The following PKHD1 variants were observed in gnomAD, a reference collection of about 807,000 sequenced individuals.
PKHD1 encodes PKHD1 ciliary IPT domain containing fibrocystin/polyductin, also known as fibrocystin.
Under a neutral mutation model 412.0 loss-of-function variants are expected in PKHD1, and 291 were observed. That is an observed-to-expected ratio of 0.71 (90% CI 0.64 to 0.78). The LOEUF (loss-of-function observed/expected upper bound fraction) is 0.78, where lower values mean the gene tolerates loss of function less well. Among genes scored for constraint, PKHD1 ranks in the 30% least tolerant of loss-of-function variants. The probability of loss-of-function intolerance (pLI) is 0.00; values close to 1 mark genes in which losing one functional copy is unlikely to be tolerated. For synonymous variants in PKHD1, 1,777 were observed against 1,821.5 expected (o/e 0.98, Z 0.62); for missense variants, 4,825 against 4,950.7 (o/e 0.97, Z 0.76).
At chr6:51,767,166 T>A (rs955516435) in intron 55 of PKHD1, among the ~76,000 whole-genome samples, 2 of 152,090 alleles carry the variant, frequency 1.3e-5, no homozygotes, top group Non-Finnish European at 2.9e-5. Context: ...TTTCTTGGTA[T>A]TCTTTTTAGT....
intron 43 of PKHD1, among the ~76,000 whole-genome samples, chr6:51,900,157 G>GA (rs563624619): frequency 1.3e-4 from 19 of 151,414 alleles, no homozygotes; most frequent in Non-Finnish European, 2.4e-4. Context: ...CACAGAATTG[G>GA]AAAAAAAACT....
At chr6:51,812,979 A>C (rs1222107052) in intron 52 of PKHD1, among the ~76,000 whole-genome samples, 1 of 152,166 alleles carries the variant, frequency 6.6e-6, no homozygotes, top group Non-Finnish European at 1.5e-5. Context: ...GAATCCACCT[A>C]TGACCTGTAA....
intron 60 of PKHD1, among the ~76,000 whole-genome samples, chr6:51,706,677 C>T (rs918852465): frequency 6.6e-6 from 1 of 152,232 alleles, no homozygotes; most frequent in South Asian, 2.1e-4. Context: ...AACACCTTTT[C>T]CCTACAGTCC....
chr6:51,903,233 T>C (rs1160494157), intron 43 of PKHD1, among the ~76,000 whole-genome samples: 1 of 152,186 alleles, frequency 6.6e-6, no homozygotes, highest in Non-Finnish European at 1.5e-5. Context: ...ATTTTCTTGA[T>C]ACTAATATGC....
intron 55 of PKHD1, among the ~76,000 whole-genome samples, chr6:51,766,745 G>A (rs1177799406): frequency 2.0e-5 from 3 of 151,496 alleles, no homozygotes; most frequent in African/African-American, 7.3e-5. Context: ...CATGTGCACA[G>A]GGAGGGATAG....
In PKHD1 at chr6:52,062,636, A is replaced by G. The variant is rs1384539153; in HGVS notation, c.1001T>C (p.Val334Ala). ...TTCCAGTCCCTCAACAGCATCTCCA[A>G]CTTCAAAAAGAAGCCCTCGATTGCC... ...QPGNRGLLFE[V>A]GDAVEGLELT... is the part of the protein sequence containing the mutation. The change falls in exon 14 of 67, where the codon GTT becomes GCT. Residue 334 changes from valine (V) to alanine (A), a missense_variant. Transcript: ENST00000371117. The G allele has an allele frequency of 3.1e-6, 5 of 1,614,018 alleles. No homozygotes were observed. The highest frequency in any genetic ancestry group is 1.7e-5 in the Admixed American group (1 of 60,002).
At chr6:51,624,627 TA>T (rs1379753021) in intron 66 of PKHD1, among the ~76,000 whole-genome samples, 1 of 152,242 alleles carries the variant, frequency 6.6e-6, no homozygotes, top group Non-Finnish European at 1.5e-5. Flanking sequence ...CCAGCAGTTG[TA>T]ATAACTACTG....
chr6:51,657,055 G>A (rs999164906), intron 61 of PKHD1, among the ~76,000 whole-genome samples: 6 of 151,322 alleles, frequency 4.0e-5, no homozygotes, highest in Admixed American at 1.3e-4. Flanking sequence ...TTAAATTAAC[G>A]AGAGCAAACC....
chr6:51,911,778 TC>T lies in PKHD1; in HGVS notation c.6490+20del. 1.2e-6 allele frequency: 2 copies of T among 1,605,356 alleles called. No individual in the cohort carries two copies. The highest frequency in any genetic ancestry group is 4.5e-5 in the East Asian group (2 of 44,810). On this transcript the variant is annotated intron_variant, in intron 39 of 66. Coordinates refer to ENST00000371117, the MANE Select transcript of PKHD1 (RefSeq NM_138694.4). ...ATATTCTTTTTTGCTCATTAGACTT[TC>T]CAACAAAACACTCTTCTACCTTCTG...
chr6:51,893,223 A>G (rs1232616010), intron 43 of PKHD1, among the ~76,000 whole-genome samples: 1 of 152,232 alleles, frequency 6.6e-6, no homozygotes, highest in African/African-American at 2.4e-5. Flanking sequence ...TTATGAGGAA[A>G]GAAAAGATTC....
rs780446900 is a variant in PKHD1 at position 52,055,747 on chromosome 6, A to G, written c.1694-18T>C. ...TTCTGGGCCTGGATGCAGTTCAGAT[A>G]AAATAGAAAGGCAGGCATAGATATT... On this transcript the variant is annotated intron_variant, in intron 18 of 66. Transcript: ENST00000371117. 5 of 1,613,386 alleles carry G rather than the reference A, an allele frequency of 3.1e-6. No homozygotes were observed. The South Asian group carries it at 5.5e-5, about 18-fold the overall frequency.
chr6:51,752,137 A>G (rs1191469313), intron 57 of PKHD1, among the ~76,000 whole-genome samples: 1 of 152,110 alleles, frequency 6.6e-6, no homozygotes, highest in Non-Finnish European at 1.5e-5. Flanking sequence ...CATCTTCCTC[A>G]ACCTTAGAAT....
At chr6:51,993,405 T>G (rs754879204) in intron 35 of PKHD1, among the ~76,000 whole-genome samples, 8 of 152,230 alleles carry the variant, frequency 5.3e-5, no homozygotes, top group Non-Finnish European at 1.0e-4. Context: ...CACTTGAACT[T>G]TTACTTTTCT....
intron 35 of PKHD1, among the ~76,000 whole-genome samples, chr6:52,008,865 A>G (rs186528518): frequency 5.3e-5 from 8 of 152,288 alleles, no homozygotes; most frequent in African/African-American, 1.9e-4. Context: ...TCTAGCTCCA[A>G]AGTCCATGCA....
intron 43 of PKHD1, among the ~76,000 whole-genome samples, chr6:51,901,784 A>T (rs185743704): frequency 9.2e-5 from 14 of 151,956 alleles, no homozygotes; most frequent in African/African-American, 3.1e-4. Flanking sequence ...CTAAAACTCC[A>T]TTCTCAAAAC....
At chr6:51,926,191 AT>A (rs1785586315) in intron 37 of PKHD1, among the ~76,000 whole-genome samples, 1 of 152,132 alleles carries the variant, frequency 6.6e-6, no homozygotes, top group Non-Finnish European at 1.5e-5. Flanking sequence ...GGAAAGAGGC[AT>A]TCCCTTTCAT....
chr6:51,951,331 G>C (rs1238200183), intron 36 of PKHD1, among the ~76,000 whole-genome samples: 2 of 150,660 alleles, frequency 1.3e-5, no homozygotes, highest in South Asian at 4.2e-4. Flanking sequence ...AAATAGAAAA[G>C]ACAAAAAAAA....
At chr6:51,664,911 A>C (rs1164495300) in intron 60 of PKHD1, among the ~76,000 whole-genome samples, 1 of 152,152 alleles carries the variant, frequency 6.6e-6, no homozygotes, top group Non-Finnish European at 1.5e-5. Flanking sequence ...CAGAAAGTTA[A>C]TAATTAGTAT....
intron 49 of PKHD1, among the ~76,000 whole-genome samples, chr6:51,852,976 C>A (rs749208487): frequency 6.6e-6 from 1 of 152,092 alleles, no homozygotes; most frequent in Admixed American, 6.5e-5. Flanking sequence ...TTATTTTGCA[C>A]ACTAGTCAAT....
Sources: allele counts gnomAD v4.1 joint callset (sites outside exome capture counted in the v4.1 genomes callset), GRCh38; gene constraint gnomAD v4.1.1; transcripts MANE v1.5; gene names NCBI Gene and HGNC (gene_info 2026-07-23, HGNC 2026-07-21).